The following PLA2G4A variants were observed in gnomAD, a reference collection of about 807,000 sequenced individuals.
The protein encoded by PLA2G4A is phospholipase A2 group IVA, also known as cytosolic phospholipase A2.
PLA2G4A carries 40 observed loss-of-function variants against 81.9 expected under a neutral mutation model. That is an observed-to-expected ratio of 0.49 (90% confidence interval 0.38 to 0.64). The LOEUF (loss-of-function observed/expected upper bound fraction) is 0.64, where lower values mean the gene tolerates loss of function less well. PLA2G4A is among the 30% of genes least tolerant of loss of function. The pLI is 0.00. For missense variants in PLA2G4A, 715 were observed against 905.1 expected (o/e 0.79, Z 2.69); for synonymous variants, 302 against 296.9 (o/e 1.02, Z -0.18).
chr1:186,836,368 T>C (rs1243573128), intron 1 of PLA2G4A, among the ~76,000 whole-genome samples: 1 of 151,646 alleles, frequency 6.6e-6, no homozygotes, highest in Non-Finnish European at 1.5e-5. Flanking sequence ...CAATTGTCAA[T>C]CTAAGATGTA....
At chr1:186,975,059 GCT>G (rs1657483195) in intron 15 of PLA2G4A, among the ~76,000 whole-genome samples, 1 of 152,162 alleles carries the variant, frequency 6.6e-6, no homozygotes, top group African/African-American at 2.4e-5. Flanking sequence ...ACACTAGAAA[GCT>G]CTTTCTTTTC....
chr1:186,853,364 A>G (rs1250565225), intron 1 of PLA2G4A, among the ~76,000 whole-genome samples: 1 of 151,498 alleles, frequency 6.6e-6, no homozygotes, highest in Non-Finnish European at 1.5e-5. Context: ...TGGTGATTAC[A>G]CTTTATTCTT....
intron 13 of PLA2G4A, among the ~76,000 whole-genome samples, chr1:186,955,827 G>T (rs928516440): frequency 1.4e-5 from 2 of 143,150 alleles, no homozygotes; most frequent in African/African-American, 2.6e-5. Context: ...TCCGCCTCCC[G>T]GGTTCAAGCG....
intron 7 of PLA2G4A, among the ~76,000 whole-genome samples, chr1:186,922,039 T>C (rs1274796056): frequency 6.6e-6 from 1 of 152,194 alleles, no homozygotes; most frequent in Non-Finnish European, 1.5e-5. Flanking sequence ...CCTGTTGTTA[T>C]AGTGACTCCA....
chr1:186,986,805 C>T (rs1002849021), intron 17 of PLA2G4A, among the ~76,000 whole-genome samples: 2 of 152,188 alleles, frequency 1.3e-5, no homozygotes, highest in Non-Finnish European at 2.9e-5. Flanking sequence ...TAATTGCCCT[C>T]CATCTCACAC....
At chr1:186,855,903 C>A (rs191207046) in intron 2 of PLA2G4A, among the ~76,000 whole-genome samples, 1 of 152,008 alleles carries the variant, frequency 6.6e-6, no homozygotes, top group Non-Finnish European at 1.5e-5. Flanking sequence ...CTGTAGTTTG[C>A]GCCAATACTA....
intron 1 of PLA2G4A, among the ~76,000 whole-genome samples, chr1:186,852,854 A>G (rs1315430004): frequency 6.6e-6 from 1 of 152,026 alleles, no homozygotes; most frequent in Non-Finnish European, 1.5e-5. Flanking sequence ...GGTTTAAAAT[A>G]AGAAAACGCA....
At chr1:186,896,666 G>A (rs938861277) in intron 5 of PLA2G4A, among the ~76,000 whole-genome samples, 2 of 152,200 alleles carry the variant, frequency 1.3e-5, no homozygotes, top group Non-Finnish European at 2.9e-5. Flanking sequence ...CCTATGGCTA[G>A]ATGTGTAATC....
chr1:186,950,903 C>T (rs1466414082), intron 13 of PLA2G4A, among the ~76,000 whole-genome samples, 175 bp downstream of exon 13: 5 of 152,122 alleles, frequency 3.3e-5, no homozygotes, highest in Admixed American at 3.3e-4. Context: ...ATAAAATAGG[C>T]AGCACATATA....
intron 2 of PLA2G4A, among the ~76,000 whole-genome samples, chr1:186,856,633 T>C (rs1346272145): frequency 1.3e-5 from 2 of 152,078 alleles, no homozygotes; most frequent in South Asian, 2.1e-4. Context: ...TGTTTATGTT[T>C]AGCAGAAAAA....
intron 5 of PLA2G4A, among the ~76,000 whole-genome samples, chr1:186,903,910 C>T (rs1014050340): frequency 3.3e-5 from 5 of 152,190 alleles, no homozygotes; most frequent in South Asian, 4.1e-4. Flanking sequence ...TCCACAAAAC[C>T]GGTCCCTGGT....
intron 6 of PLA2G4A, among the ~76,000 whole-genome samples, chr1:186,908,958 C>A (rs184342454): frequency 1.9e-4 from 24 of 123,244 alleles, no homozygotes; most frequent in Non-Finnish European, 3.1e-4. Context: ...ATTTTAATTT[C>A]TTTTCTTTTC....
intron 5 of PLA2G4A, among the ~76,000 whole-genome samples, chr1:186,900,557 G>C (rs1178719384): frequency 2.0e-5 from 3 of 152,108 alleles, no homozygotes; most frequent in African/African-American, 7.2e-5. Context: ...TTTGTTTCAG[G>C]ATAGTTCAGA....
chr1:186,844,490 G>A (rs75790968), intron 1 of PLA2G4A, among the ~76,000 whole-genome samples: 4,986 of 152,200 alleles, frequency 0.033, 104 homozygotes, highest in Non-Finnish European at 0.05. Flanking sequence ...ATTTGGCAGC[G>A]GACAAGTTAG....
At chr1:186,983,017 G>A (rs1306164386) in intron 17 of PLA2G4A, among the ~76,000 whole-genome samples, 2 of 151,230 alleles carry the variant, frequency 1.3e-5, no homozygotes, top group African/African-American at 4.9e-5. Context: ...CAGGGAGGTG[G>A]AGCTTGCAGT....
chr1:186,955,407 G>C (rs1656709678), intron 13 of PLA2G4A, among the ~76,000 whole-genome samples: 1 of 152,108 alleles, frequency 6.6e-6, no homozygotes. Flanking sequence ...AAGAAATGTA[G>C]AGGATAGAAT....
intron 3 of PLA2G4A, among the ~76,000 whole-genome samples, chr1:186,882,113 C>A (rs1338352703): frequency 6.6e-6 from 1 of 152,124 alleles, no homozygotes; most frequent in Admixed American, 6.6e-5. Flanking sequence ...GTCTCAATTT[C>A]TTCACCTCTG....
intron 2 of PLA2G4A, among the ~76,000 whole-genome samples, chr1:186,870,019 A>G (rs1474413376): frequency 6.6e-6 from 1 of 152,228 alleles, no homozygotes; most frequent in African/African-American, 2.4e-5. Context: ...AATGTCATGC[A>G]GAAAAGACTT....
chr1:186,855,741 T>C (rs1306161987), intron 2 of PLA2G4A, among the ~76,000 whole-genome samples: 1 of 152,102 alleles, frequency 6.6e-6, no homozygotes, highest in Non-Finnish European at 1.5e-5. Context: ...TCACAAGCTA[T>C]TTATTTAATC....
Sources: gnomAD v4.1 joint callset for allele counts (sites outside exome capture counted in the v4.1 genomes callset) on GRCh38, gnomAD v4.1.1 for gene constraint, MANE v1.5 for transcripts, NCBI Gene and HGNC (gene_info 2026-07-23, HGNC 2026-07-21) for gene names.